Variants in DENND1A observed in about 807,000 individuals in gnomAD.
The protein encoded by DENND1A is DENN domain-containing protein 1A.
In DENND1A, 51 loss-of-function variants were observed where a neutral mutation model predicts 113.7. That is an observed-to-expected ratio of 0.45 (90% CI 0.36 to 0.57). The LOEUF (loss-of-function observed/expected upper bound fraction) is 0.57, where lower values mean the gene tolerates loss of function less well. Ranked by LOEUF, DENND1A falls within the 20% of genes least tolerant of loss-of-function variation. The pLI, the probability that DENND1A is intolerant of heterozygous loss-of-function variation, is 0.00. For missense variants in DENND1A, 1,258 were observed against 1,395.9 expected, an observed-to-expected ratio of 0.90 and a Z score of 1.57; for synonymous variants, 565 against 570.8, an observed-to-expected ratio of 0.99 and a Z score of 0.14.
rs117892492 is a variant in DENND1A at position 123,383,868 on chromosome 9, G to A, written c.1806C>T (p.Gly602=). ...GCTGCTCTGGACTCTCTGCCTCGTC[G>A]CCTTCCGCGCTGTCTGACTCCCTGA... ...RTLRESDSAE[G]DEAESPEQQV... is the part of the protein sequence containing the mutation. The change falls in exon 23 of 24, where the codon GGC becomes GGT. Residue 602 remains glycine, a synonymous_variant. Coordinates refer to ENST00000394215, the MANE Select transcript of DENND1A (RefSeq NM_001352964.2). 0.013 allele frequency: 21,130 copies of A among 1,613,102 alleles called. 190 individuals carry two copies. The highest frequency in any genetic ancestry group is 0.015 in the Non-Finnish European group (17,411 of 1,180,012).
chr9:123,402,268 G>GCACA (rs112321704), intron 21 of DENND1A, among the ~76,000 whole-genome samples: 1 of 151,736 alleles, frequency 6.6e-6, no homozygotes, highest in Non-Finnish European at 1.5e-5. Flanking sequence ...ACACACGCAC[G>GCACA]CACACATATA....
intron 13 of DENND1A, among the ~76,000 whole-genome samples, chr9:123,514,593 A>G (rs2053742637): frequency 1.3e-5 from 2 of 152,188 alleles, no homozygotes; most frequent in African/African-American, 4.8e-5. Flanking sequence ...ATATATTAGG[A>G]AAATATAGGC....
intron 13 of DENND1A, among the ~76,000 whole-genome samples, chr9:123,553,399 CG>C (rs765051027): frequency 0.091 from 6,025 of 66,298 alleles, 394 homozygotes; most frequent in Admixed American, 0.095. Context: ...TTTTAAAAGC[CG>C]CCCCCCCCCC....
chr9:123,719,001 CA>C (rs2067159150), intron 5 of DENND1A, among the ~76,000 whole-genome samples: 1 of 152,172 alleles, frequency 6.6e-6, no homozygotes, highest in South Asian at 2.1e-4. Context: ...CGAGATCTGA[CA>C]GTTTTATAAG....
intron 10 of DENND1A, among the ~76,000 whole-genome samples, chr9:123,619,291 A>G (rs1195547916): frequency 6.6e-6 from 1 of 152,226 alleles, no homozygotes; most frequent in Non-Finnish European, 1.5e-5. Context: ...TACTAACAAT[A>G]TAGACTGTAT....
chr9:123,459,843 A>G (rs1448776302), intron 13 of DENND1A, among the ~76,000 whole-genome samples: 1 of 152,144 alleles, frequency 6.6e-6, no homozygotes, highest in East Asian at 1.9e-4. Context: ...GCCAATATTA[A>G]CTCAGAAGCT....
chr9:123,651,475 C>A (rs1342396302), intron 9 of DENND1A, among the ~76,000 whole-genome samples: 1 of 152,262 alleles, frequency 6.6e-6, no homozygotes, highest in Non-Finnish European at 1.5e-5. Flanking sequence ...TCATCTACAG[C>A]TGGCAGCCTT....
chr9:123,616,631 G>A (rs2060663157), intron 10 of DENND1A, among the ~76,000 whole-genome samples: 1 of 152,214 alleles, frequency 6.6e-6, no homozygotes, highest in Non-Finnish European at 1.5e-5. Flanking sequence ...GACACCTGCT[G>A]GGATGGTCAC....
At chr9:123,740,314 T>C (rs1589882286) in intron 5 of DENND1A, among the ~76,000 whole-genome samples, 1 of 152,358 alleles carries the variant, frequency 6.6e-6, no homozygotes, top group African/African-American at 2.4e-5. Flanking sequence ...GTTTTCTTAA[T>C]AACCTGTCTA....
At chr9:123,782,374 C>T (rs1189061124) in intron 3 of DENND1A, among the ~76,000 whole-genome samples, 1 of 152,176 alleles carries the variant, frequency 6.6e-6, no homozygotes, top group African/African-American at 2.4e-5. Flanking sequence ...TCTGGTTAAG[C>T]CTCTCTAGGT....
At chr9:123,685,345 G>A (rs891052390) in intron 5 of DENND1A, among the ~76,000 whole-genome samples, 1 of 152,286 alleles carries the variant, frequency 6.6e-6, no homozygotes, top group East Asian at 1.9e-4. Flanking sequence ...AATTGATTAC[G>A]ATATTTAGTT....
chr9:123,575,687 C>T (rs1432454950), intron 12 of DENND1A, among the ~76,000 whole-genome samples: 1 of 152,192 alleles, frequency 6.6e-6, no homozygotes, highest in African/African-American at 2.4e-5. Flanking sequence ...CTAGCCCACA[C>T]CCAAGTAGGG....
At chr9:123,620,232 A>AAAAAAAAAAAAAAAG (rs1554916729) in intron 10 of DENND1A, among the ~76,000 whole-genome samples, 17 of 114,410 alleles carry the variant, frequency 1.5e-4, no homozygotes, top group African/African-American at 3.7e-4. Flanking sequence ...AAAAAAAAAA[A>AAAAAAAAAAAAAAAG]AAAAAAGAAA....
chr9:123,788,378 G>C (rs1010963493), intron 3 of DENND1A, among the ~76,000 whole-genome samples: 2 of 151,968 alleles, frequency 1.3e-5, no homozygotes, highest in African/African-American at 4.8e-5. Flanking sequence ...ATAATGTTTT[G>C]AGACCAAAGA....
chr9:123,518,730 A>G (rs2054143215), intron 13 of DENND1A, among the ~76,000 whole-genome samples: 1 of 152,108 alleles, frequency 6.6e-6, no homozygotes, highest in African/African-American at 2.4e-5. Context: ...ATTTCCACTG[A>G]CACCACAGTC....
intron 13 of DENND1A, among the ~76,000 whole-genome samples, chr9:123,495,761 G>A (rs2051857132): frequency 6.6e-6 from 1 of 152,154 alleles, no homozygotes; most frequent in Admixed American, 6.5e-5. Context: ...CTATCTTCAT[G>A]GCCCATGACA....
chr9:123,885,184 C>T (rs1263846554), intron 1 of DENND1A, among the ~76,000 whole-genome samples: 4 of 152,160 alleles, frequency 2.6e-5, no homozygotes, highest in Non-Finnish European at 5.9e-5. Flanking sequence ...ACCTGGGGGG[C>T]TTTTAAAAAT....
chr9:123,814,030 G>A (rs540020352), intron 2 of DENND1A, among the ~76,000 whole-genome samples: 1 of 152,198 alleles, frequency 6.6e-6, no homozygotes, highest in East Asian at 1.9e-4. Flanking sequence ...TATAAATCCT[G>A]TATAACTACT....
chr9:123,903,328 T>G (rs899184517), intron 1 of DENND1A, among the ~76,000 whole-genome samples: 4 of 61,336 alleles, frequency 6.5e-5, no homozygotes, highest in Non-Finnish European at 7.4e-5. Flanking sequence ...CGAGACTCCG[T>G]CTCAAAAAAA....
Sources: allele counts gnomAD v4.1 joint callset (sites outside exome capture counted in the v4.1 genomes callset), GRCh38; gene constraint gnomAD v4.1.1; transcripts MANE v1.5; gene names NCBI Gene and HGNC (gene_info 2026-07-23, HGNC 2026-07-21).